The following ACSS3 variants were observed in gnomAD, a reference collection of about 807,000 sequenced individuals.
ACSS3 encodes acyl-CoA synthetase short-chain family member 3, mitochondrial.
A neutral mutation model predicts 84.2 loss-of-function variants in ACSS3; 64 were observed. The observed-to-expected ratio is 0.76, with a 90% CI of 0.62 to 0.94. The LOEUF (loss-of-function observed/expected upper bound fraction) is 0.94, where lower values mean the gene tolerates loss of function less well. Among genes scored for constraint, ACSS3 ranks in the 40% least tolerant of loss-of-function variants. ACSS3 has a pLI of 0.00. For missense variants in ACSS3, 815 were observed against 867.6 expected (o/e 0.94, Z 0.76); for synonymous variants, 317 against 310.1 (o/e 1.02, Z -0.23).
intron 11 of ACSS3, among the ~76,000 whole-genome samples, chr12:81,224,128 C>T (rs796176799): frequency 1.3e-5 from 2 of 151,958 alleles, no homozygotes; most frequent in African/African-American, 4.8e-5. Context: ...CCCTCTTTCA[C>T]TCTGCTTGGC....
chr12:81,205,847 A>T (rs2032323303), intron 9 of ACSS3, among the ~76,000 whole-genome samples: 1 of 152,140 alleles, frequency 6.6e-6, no homozygotes, highest in Admixed American at 6.6e-5. Context: ...TACACTTTTT[A>T]AAACGTTTCA....
intron 8 of ACSS3, 95 bp from the exon 9 acceptor site, chr12:81,199,246 A>G: frequency 1.9e-6 from 2 of 1,059,896 alleles, no homozygotes; most frequent in Admixed American, 4.6e-5. Flanking sequence ...TTCCTCTGAC[A>G]TAATGAGTGT....
At chr12:81,159,015 C>T (rs1192157453) in intron 7 of ACSS3, among the ~76,000 whole-genome samples, 1 of 152,096 alleles carries the variant, frequency 6.6e-6, no homozygotes, top group Non-Finnish European at 1.5e-5. Context: ...AAATAAATGC[C>T]TGAATGACAA....
chr12:81,146,883 C>G (rs1156311200), intron 5 of ACSS3, among the ~76,000 whole-genome samples: 1 of 151,784 alleles, frequency 6.6e-6, no homozygotes, highest in Admixed American at 6.6e-5. Flanking sequence ...GAAAAATGTT[C>G]AGTGTCAAAA....
chr12:81,247,899 C>T (rs1340844661), intron 13 of ACSS3, among the ~76,000 whole-genome samples: 1 of 151,926 alleles, frequency 6.6e-6, no homozygotes, highest in Non-Finnish European at 1.5e-5. Flanking sequence ...GAATTGAGGT[C>T]TTAATCCAAT....
At chr12:81,211,301 G>A (rs112094490) in intron 9 of ACSS3, among the ~76,000 whole-genome samples, 1,790 of 152,058 alleles carry the variant, frequency 0.012, 12 homozygotes, top group Non-Finnish European at 0.019. Context: ...AATTTTTGTG[G>A]ATACATGATG....
At chr12:81,163,811 T>G (rs941005618) in intron 7 of ACSS3, among the ~76,000 whole-genome samples, 1 of 152,244 alleles carries the variant, frequency 6.6e-6, no homozygotes, top group Non-Finnish European at 1.5e-5. Context: ...AAAAAACTTA[T>G]AGAATGAACA....
intron 1 of ACSS3, chr12:81,094,518 T>C (rs1160804860): frequency 1.3e-5 from 2 of 152,206 alleles, no homozygotes; most frequent in Non-Finnish European, 2.9e-5. Context: ...TTTGTAAGGC[T>C]CGATGGAAAG....
Position 81,259,939 on chromosome 12 carries a change from G to A in ACSS3, c.*5017G>A, listed in dbSNP as rs374230015. ...AGGTAGTTATGCAAAATGTTAGCAT[G>A]CCTTCTGAAAAATTTACAACTTGCT... is the stretch of plus-strand genomic sequence containing the variant. On this transcript the variant is annotated 3_prime_UTR_variant, in exon 16 of 16. Transcript: ENST00000548058. 22 of 287,584 alleles carry A rather than the reference G, an allele frequency of 7.6e-5. No individual in the cohort carries two copies. The highest frequency in any genetic ancestry group is 6.4e-4 in the East Asian group (11 of 17,200). The allele number at this position is 287,584 out of a possible 1,614,324, so 17.8% of individuals were successfully genotyped here.
chr12:81,207,661 T>C (rs1239223079), intron 9 of ACSS3, among the ~76,000 whole-genome samples: 2 of 152,284 alleles, frequency 1.3e-5, no homozygotes, highest in East Asian at 1.9e-4. Context: ...TCAAAAAAAC[T>C]TGGACTGTAA....
intron 3 of ACSS3, 136 bp downstream of exon 3, chr12:81,135,140 C>A (rs1341640006): frequency 4.1e-6 from 3 of 723,448 alleles, no homozygotes; most frequent in East Asian, 6.8e-5. Flanking sequence ...AATACTTTTC[C>A]TAGAAATCAT....
At chr12:81,244,694 G>C (rs1316445123) in intron 13 of ACSS3, among the ~76,000 whole-genome samples, 3 of 152,014 alleles carry the variant, frequency 2.0e-5, no homozygotes, top group Non-Finnish European at 2.9e-5. Flanking sequence ...TTGATACAGT[G>C]ATATTGCTTT....
intron 8 of ACSS3, 146 bp from the exon 9 acceptor site, chr12:81,199,195 C>G (rs1447438196): frequency 1.1e-5 from 7 of 638,932 alleles, no homozygotes; most frequent in East Asian, 6.1e-5. Flanking sequence ...AGAAATGACT[C>G]TCATCATTAT....
chr12:81,186,989 C>T (rs1382323173), intron 8 of ACSS3, among the ~76,000 whole-genome samples: 1 of 151,684 alleles, frequency 6.6e-6, no homozygotes, highest in East Asian at 1.9e-4. Context: ...GATAAAGAAA[C>T]TGTGGTACAT....
intron 7 of ACSS3, among the ~76,000 whole-genome samples, chr12:81,173,498 G>T (rs1253708794): frequency 6.6e-6 from 1 of 151,578 alleles, no homozygotes; most frequent in Non-Finnish European, 1.5e-5. Flanking sequence ...TAATATTAAA[G>T]AAAACCATTT....
intron 3 of ACSS3, among the ~76,000 whole-genome samples, chr12:81,137,020 C>T (rs928158674): frequency 6.6e-6 from 1 of 152,018 alleles, no homozygotes; most frequent in Non-Finnish European, 1.5e-5. Flanking sequence ...ATACTGAAGG[C>T]CCCCTGAGTA....
upstream of ACSS3, chr12:81,077,964 T>C (rs1880719622): frequency 1.2e-6 from 1 of 845,924 alleles, no homozygotes. Context: ...TCGCTCCAGG[T>C]CGGTTTTTCC....
chr12:81,182,187 T>C (rs77196234), intron 8 of ACSS3, among the ~76,000 whole-genome samples: 2,293 of 152,252 alleles, frequency 0.015, 106 homozygotes, highest in East Asian at 0.15. Context: ...GGAATTTCCA[T>C]AGAACATTAG....
intron 3 of ACSS3, among the ~76,000 whole-genome samples, chr12:81,135,419 A>G (rs148704955): frequency 0.049 from 7,018 of 144,240 alleles, 431 homozygotes; most frequent in African/African-American, 0.14. Flanking sequence ...ATAATAATAT[A>G]TAAATATATA....
Sources: gnomAD v4.1 joint callset for allele counts (sites outside exome capture counted in the v4.1 genomes callset) on GRCh38, gnomAD v4.1.1 for gene constraint, MANE v1.5 for transcripts, NCBI Gene and HGNC (gene_info 2026-07-23, HGNC 2026-07-21) for gene names.